The following SYTL2 variants were observed in gnomAD, a reference collection of about 807,000 sequenced individuals.
SYTL2 encodes synaptotagmin-like protein 2.
A neutral mutation model predicts 198.7 loss-of-function variants in SYTL2; 165 were observed. That is an observed-to-expected ratio of 0.83 (90% CI 0.73 to 0.94). SYTL2 has a LOEUF of 0.94. SYTL2 is among the 40% of genes least tolerant of loss of function. The pLI is 0.00. For missense variants in SYTL2, 2,835 were observed against 2,582.8 expected (o/e 1.10, Z -2.12); for synonymous variants, 966 against 917.7 (o/e 1.05, Z -0.95).
intron 1 of SYTL2, among the ~76,000 whole-genome samples, chr11:85,775,616 G>T (rs990106864): frequency 2.6e-5 from 4 of 152,098 alleles, no homozygotes; most frequent in African/African-American, 9.7e-5. Context: ...CAGAGCAGCT[G>T]GAATTACATG....
chr11:85,695,424 C>T, intron 19 of SYTL2, 84 bp from the exon 20 acceptor site: 1 of 1,198,228 alleles, frequency 8.3e-7, no homozygotes. Context: ...TAATTATAAC[C>T]ACCAGTGGAA....
At position 85,698,970 on chromosome 11, in the gene SYTL2, T is replaced by A. The variant is rs147533789; in HGVS notation, c.6269-892A>T. The stretch of plus-strand genomic sequence containing the variant: ...GGCTGGGTTCATACGAACAGAGGAA[T>A]GCCACCAGATTTTTCTGAATGGGTT... On this transcript the variant is annotated intron_variant, in intron 17 of 19. Coordinates refer to ENST00000359152, the MANE Select transcript of SYTL2 (RefSeq NM_206927.4). Among the ~76,000 whole-genome samples the A allele has an allele frequency of 7.2e-5, 11 of 152,336 alleles. No individual in the cohort carries two copies. The East Asian group carries it at 2.1e-3, about 29-fold the overall frequency.
At position 85,728,296 on chromosome 11, in the gene SYTL2, A is replaced by AT. The variant is rs943737459; in HGVS notation, c.1391-330dup. ...GTTTCATGTTACATTTTATTTTATT[A>AT]TTTTTTTTGAGATGGAGTCTCGCTC... On this transcript the variant is annotated intron_variant, in intron 7 of 19. Transcript: ENST00000359152. Among the ~76,000 whole-genome samples, 8 of 151,738 alleles carry AT rather than the reference A, an allele frequency of 5.3e-5. 1 individual carries two copies. The South Asian group carries it at 1.0e-3, about 20-fold the overall frequency.
intron 2 of SYTL2, among the ~76,000 whole-genome samples, chr11:85,755,769 T>C (rs142232786): frequency 2.0e-5 from 3 of 152,172 alleles, no homozygotes; most frequent in Admixed American, 1.3e-4. Context: ...CAAGAAAAGA[T>C]AGAAGGGAGG....
intron 16 of SYTL2, among the ~76,000 whole-genome samples, chr11:85,701,758 C>T (rs780635375): frequency 1.1e-4 from 17 of 152,282 alleles, no homozygotes; most frequent in Admixed American, 3.3e-4. Context: ...TCACTTCCTA[C>T]TATGATGGAC....
At chr11:85,754,912 G>C (rs146327479) in intron 2 of SYTL2, among the ~76,000 whole-genome samples, 93 of 152,278 alleles carry the variant, frequency 6.1e-4, no homozygotes, top group Non-Finnish European at 1.1e-3. Context: ...ACCGGCCCAA[G>C]AGATTTCTCA....
chr11:85,738,937 C>T (rs1157607350), intron 4 of SYTL2, among the ~76,000 whole-genome samples: 3 of 152,166 alleles, frequency 2.0e-5, no homozygotes, highest in African/African-American at 4.8e-5. Flanking sequence ...AATTCCAGTT[C>T]CTGTGCCTCC....
At chr11:85,808,190 C>T (rs1237093610) in intron 1 of SYTL2, among the ~76,000 whole-genome samples, 2 of 152,108 alleles carry the variant, frequency 1.3e-5, no homozygotes, top group Non-Finnish European at 2.9e-5. Flanking sequence ...CCTTAGCCTC[C>T]TGAGCAGCTG....
chr11:85,833,373 G>T, the SYTL2 span, among the ~76,000 whole-genome samples: 1 of 145,344 alleles, frequency 6.9e-6, no homozygotes, highest in East Asian at 2.0e-4. Flanking sequence ...TGAGATATAT[G>T]ATATATCTCA....
In SYTL2 at chr11:85,724,206, G is replaced by T; in HGVS notation, c.5152C>A (p.Pro1718Thr). The T allele has an allele frequency of 1.9e-6, 3 of 1,593,434 alleles. No individual in the cohort carries two copies. The highest frequency in any genetic ancestry group is 2.6e-6 in the Non-Finnish European group (3 of 1,173,972). Reference protein sequence around the residue: ...EAISVSRNRQPIPLLMNKENS... With the variant: ...EAISVSRNRQTIPLLMNKENS... ...TCTTTGTTCATCAGGAGAGGAATGG[G>T]TTGCCTATTTCTGGACACACTAATT... is the stretch of plus-strand genomic sequence containing the variant. Residue 1718 changes from proline to threonine, a missense_variant, in exon 8 of 20, where the codon CCC (proline) becomes ACC (threonine). Physicochemically the swap from Pro to Thr is conservative, Grantham distance 38. Coordinates refer to ENST00000359152, the MANE Select transcript of SYTL2 (RefSeq NM_206927.4).
chr11:85,764,905 A>C (rs1237696638), intron 1 of SYTL2, among the ~76,000 whole-genome samples: 3 of 152,264 alleles, frequency 2.0e-5, no homozygotes, highest in African/African-American at 7.2e-5. Flanking sequence ...GCTTAGGCTC[A>C]ATCAAAATGT....
At position 85,709,457 on chromosome 11, in the gene SYTL2, T is replaced by A. The variant is rs767269858; in HGVS notation, c.5789A>T (p.Asn1930Ile). 4.5e-5 allele frequency: 73 copies of A among 1,613,960 alleles called. No homozygotes were observed. The highest frequency in any genetic ancestry group is 5.9e-5 in the Non-Finnish European group (70 of 1,180,024). ...VMSVYSGDFG[N>I]LEVKGNIQFA... ...CTGAATATTTCCTTTAACTTCCAGATTGCCAAAGTCTCCACTATAAACACT... is the reference window on the plus strand; with the variant it reads ...CTGAATATTTCCTTTAACTTCCAGAATGCCAAAGTCTCCACTATAAACACT... The change falls in exon 14 of 20, where the codon AAT becomes ATT. Residue 1930 changes from asparagine (N) to isoleucine (I), a missense_variant. Physicochemically the swap from Asn to Ile is moderately radical, Grantham distance 149 (BLOSUM62 -3). Around this residue, in one of 3 missense-constraint regions of SYTL2, gnomAD observed 2,645 missense variants for 2,381.7 expected, o/e 1.11. Coordinates refer to ENST00000359152, the MANE Select transcript of SYTL2 (RefSeq NM_206927.4).
chr11:85,696,819 C>T (rs1470231543), intron 18 of SYTL2, among the ~76,000 whole-genome samples: 1 of 152,190 alleles, frequency 6.6e-6, no homozygotes, highest in Non-Finnish European at 1.5e-5. Flanking sequence ...AATTTGCAAG[C>T]ACAGGCTATC....
At chr11:85,822,220 T>C in the SYTL2 span, among the ~76,000 whole-genome samples, 1 of 152,164 alleles carries the variant, frequency 6.6e-6, no homozygotes, top group Non-Finnish European at 1.5e-5. Context: ...GAGTCTCAGG[T>C]GTAAGCAGAC....
At position 85,725,104 on chromosome 11, in the gene SYTL2, T is replaced by C. The variant is rs143935309; in HGVS notation, c.4254A>G (p.Ser1418=). ...CTATGGTGTCCATCGTAGCCCATGG[T>C]GATATCACTCCTGGAGGATTTAGGG... ...CSPLNPPGVI[S]PWATMDTIVP... is the part of the protein sequence containing the mutation. The change falls in exon 8 of 20, where the codon TCA becomes TCG. Residue 1418 remains serine (S), a synonymous_variant. Transcript: ENST00000359152. 1 of 1,614,026 alleles carries C rather than the reference T, an allele frequency of 6.2e-7. No individual in the cohort carries two copies. The highest frequency in any genetic ancestry group is 8.5e-7 in the Non-Finnish European group (1 of 1,179,982).
chr11:85,818,656 A>ACTATTTAT, the SYTL2 span, among the ~76,000 whole-genome samples: 9,027 of 149,086 alleles, frequency 0.061, 384 homozygotes, highest in Admixed American at 0.064. Context: ...TGTATAAATT[A>ACTATTTAT]CTATCTATCT....
Position 85,724,405 on chromosome 11 carries a change from A to C in SYTL2, c.4953T>G (p.Asp1651Glu). The C allele has an allele frequency of 1.3e-6, 2 of 1,599,484 alleles. No individual in the cohort carries two copies. Among genetic ancestry groups the C allele is most frequent in the Non-Finnish European group, 8.5e-7 (1 of 1,174,172 alleles). The part of the protein sequence containing the change: ...GDALVTDLLV[D>E]FCGSRSGVEI... Reference sequence around the variant, plus strand: ...CAACTCCACTTCTGGAACCACAAAAATCTACCAATAAATCAGTCACAAGTG... The same window carrying C: ...CAACTCCACTTCTGGAACCACAAAACTCTACCAATAAATCAGTCACAAGTG... Residue 1651 changes from aspartate (D) to glutamate (E), a missense_variant, in exon 8 of 20, where the codon GAT becomes GAG. Asp to Glu is a conservative substitution (Grantham distance 45). This residue lies in a region of SYTL2 where 2,645 missense variants were observed against 2,381.7 expected (regional missense o/e 1.11). Transcript: ENST00000359152.
chr11:85,843,882 C>A, the SYTL2 span, among the ~76,000 whole-genome samples: 5 of 152,270 alleles, frequency 3.3e-5, no homozygotes, highest in South Asian at 2.1e-4. Flanking sequence ...CAAGGTCACA[C>A]AACTAGTAAG....
the SYTL2 span, among the ~76,000 whole-genome samples, chr11:85,833,729 C>CCTTTTTTT: frequency 8.3e-6 from 1 of 121,164 alleles, no homozygotes; most frequent in African/African-American, 3.1e-5. Flanking sequence ...TCGAAGATTT[C>CCTTTTTTT]TTTTTTTTTT....
Sources: gnomAD v4.1 joint callset for allele counts (sites outside exome capture counted in the v4.1 genomes callset) on GRCh38, gnomAD v4.1.1 for gene constraint, gnomAD v4.1.1 regional missense constraint, MANE v1.5 for transcripts, NCBI Gene and HGNC (gene_info 2026-07-23, HGNC 2026-07-21) for gene names.